The following SPOCK1 variants were observed in gnomAD, a reference collection of about 807,000 sequenced individuals.
SPOCK1 encodes SPARC (osteonectin), cwcv and kazal like domains proteoglycan 1, also known as testican-1.
SPOCK1 carries 23 observed loss-of-function variants against 55.3 expected under a neutral mutation model. That is an observed-to-expected ratio of 0.42 (90% CI 0.30 to 0.59). The LOEUF is 0.59. Ranked by LOEUF, SPOCK1 falls within the 20% of genes least tolerant of loss-of-function variation. The probability of loss-of-function intolerance (pLI) is 0.22; values close to 1 mark genes in which losing one functional copy is unlikely to be tolerated. For synonymous variants in SPOCK1, 226 were observed against 221.0 expected (o/e 1.02, Z -0.20); for missense variants, 499 against 552.5 (o/e 0.90, Z 0.97).
intron 2 of SPOCK1, among the ~76,000 whole-genome samples, chr5:137,433,151 G>A (rs555484665): frequency 1.3e-4 from 20 of 152,296 alleles, no homozygotes; most frequent in African/African-American, 4.6e-4. Context: ...CTGGCTTTGG[G>A]GTTTGAGGAA....
At chr5:137,020,174 A>C (rs952173109) in intron 6 of SPOCK1, among the ~76,000 whole-genome samples, 2 of 151,840 alleles carry the variant, frequency 1.3e-5, no homozygotes, top group African/African-American at 4.8e-5. Flanking sequence ...AACTCTATGT[A>C]GGTTAAATTA....
intron 2 of SPOCK1, among the ~76,000 whole-genome samples, chr5:137,418,823 A>G (rs1752414759): frequency 6.6e-6 from 1 of 152,150 alleles, no homozygotes; most frequent in Admixed American, 6.5e-5. Context: ...CCATTTGTCA[A>G]TTTTGGCTTT....
Position 137,233,755 on chromosome 5 carries a change from T to A in SPOCK1, c.232+33255A>T, listed in dbSNP as rs564078394. 3.0e-5 allele frequency among the ~76,000 whole-genome samples: 4 copies of A among 132,860 alleles called. No homozygotes were observed. In the Admixed American group the frequency reaches 3.5e-4, roughly 12 times the overall value. The allele number at this position is 132,860 out of a possible 152,430, so 87.2% of individuals were successfully genotyped here. On this transcript the variant is annotated intron_variant, in intron 3 of 10. Transcript: ENST00000394945. Reference sequence around the variant, plus strand: ...TTTTTTTTTGGTTATTGATCTTGTATCCTGTGACTTTGCCGATCTCACTTA... The same window carrying A: ...TTTTTTTTTGGTTATTGATCTTGTAACCTGTGACTTTGCCGATCTCACTTA...
At chr5:137,006,311 A>G (rs1227688803) in intron 6 of SPOCK1, among the ~76,000 whole-genome samples, 2 of 152,120 alleles carry the variant, frequency 1.3e-5, no homozygotes, top group African/African-American at 4.8e-5. Flanking sequence ...GGCCATTTTC[A>G]CCATACTGAT....
chr5:137,283,657 G>T (rs1456574453), intron 2 of SPOCK1, among the ~76,000 whole-genome samples: 2 of 152,074 alleles, frequency 1.3e-5, no homozygotes, highest in Admixed American at 1.3e-4. Context: ...GGAGGTTGAA[G>T]TGAGCCAAGA....
intron 2 of SPOCK1, among the ~76,000 whole-genome samples, chr5:137,363,370 A>G (rs1323314456): frequency 6.6e-6 from 1 of 152,222 alleles, no homozygotes; most frequent in Non-Finnish European, 1.5e-5. Context: ...ACTTGTAAAT[A>G]TTGGCTTACA....
At chr5:137,133,233 G>A (rs1580768488) in intron 4 of SPOCK1, among the ~76,000 whole-genome samples, 1 of 152,082 alleles carries the variant, frequency 6.6e-6, no homozygotes, top group South Asian at 2.1e-4. Context: ...AGCTAGGCAT[G>A]GTGGCATGCA....
chr5:137,226,382 C>T (rs978715281), intron 3 of SPOCK1, among the ~76,000 whole-genome samples: 2 of 152,186 alleles, frequency 1.3e-5, no homozygotes, highest in African/African-American at 4.8e-5. Flanking sequence ...ATCTCCTTGC[C>T]CCGAGGGGTG....
intron 6 of SPOCK1, among the ~76,000 whole-genome samples, chr5:137,026,308 A>T (rs4629595): frequency 0.35 from 53,308 of 152,152 alleles, 10,511 homozygotes; most frequent in Non-Finnish European, 0.45. Context: ...ATTATTCTAG[A>T]TGTTTCTCTG....
intron 4 of SPOCK1, among the ~76,000 whole-genome samples, chr5:137,135,537 C>T (rs1460750696): frequency 2.6e-5 from 4 of 152,172 alleles, no homozygotes; most frequent in African/African-American, 7.2e-5. Flanking sequence ...GCAAACAAAC[C>T]CATTTACCAA....
chr5:137,453,216 A>G (rs1401639737), intron 2 of SPOCK1, among the ~76,000 whole-genome samples: 1 of 152,204 alleles, frequency 6.6e-6, no homozygotes, highest in Non-Finnish European at 1.5e-5. Context: ...TGATTATGAA[A>G]TTCGCTGTCA....
At chr5:137,448,078 T>A (rs1753167465) in intron 2 of SPOCK1, among the ~76,000 whole-genome samples, 1 of 152,068 alleles carries the variant, frequency 6.6e-6, no homozygotes. Context: ...TGAAACCCCA[T>A]CTCTACTAAA....
chr5:137,419,994 T>C (rs1011154160), intron 2 of SPOCK1, among the ~76,000 whole-genome samples: 6 of 152,020 alleles, frequency 3.9e-5, no homozygotes, highest in Non-Finnish European at 8.8e-5. Flanking sequence ...TTATTAAGAG[T>C]TTTTAGCATG....
At chr5:137,155,733 C>A (rs937435338) in intron 3 of SPOCK1, among the ~76,000 whole-genome samples, 1 of 152,180 alleles carries the variant, frequency 6.6e-6, no homozygotes, top group Non-Finnish European at 1.5e-5. Context: ...CATGGACAAT[C>A]GTTTTTTAAA....
chr5:137,073,537 C>T (rs538564886), intron 5 of SPOCK1, among the ~76,000 whole-genome samples: 2 of 152,288 alleles, frequency 1.3e-5, no homozygotes, highest in African/African-American at 4.8e-5. Context: ...CTGTGTGTGA[C>T]CCACGGCACA....
At chr5:137,469,386 A>G (rs1753686554) in intron 2 of SPOCK1, among the ~76,000 whole-genome samples, 1 of 152,212 alleles carries the variant, frequency 6.6e-6, no homozygotes, top group Admixed American at 6.6e-5. Context: ...TTAGCAGTTA[A>G]GTGCTTTTAC....
At chr5:137,063,954 C>A (rs552530024) in intron 6 of SPOCK1, among the ~76,000 whole-genome samples, 2 of 152,232 alleles carry the variant, frequency 1.3e-5, no homozygotes, top group African/African-American at 2.4e-5. Flanking sequence ...CAGAAAACCA[C>A]GGAAGGGCCT....
intron 3 of SPOCK1, among the ~76,000 whole-genome samples, chr5:137,262,667 T>C (rs1255880187): frequency 6.6e-6 from 1 of 152,232 alleles, no homozygotes; most frequent in Non-Finnish European, 1.5e-5. Flanking sequence ...CCTGAACCTC[T>C]TCAGCTCCAA....
intron 4 of SPOCK1, among the ~76,000 whole-genome samples, chr5:137,131,410 C>T (rs889569502): frequency 1.2e-4 from 19 of 152,034 alleles, no homozygotes; most frequent in Admixed American, 1.0e-3. Flanking sequence ...GAGATTGAGA[C>T]CATCCTGGCT....
Sources: gnomAD v4.1 joint callset for allele counts (sites outside exome capture counted in the v4.1 genomes callset) on GRCh38, gnomAD v4.1.1 for gene constraint, MANE v1.5 for transcripts, NCBI Gene and HGNC (gene_info 2026-07-23, HGNC 2026-07-21) for gene names.